Variants in CRYL1 observed in about 807,000 individuals in gnomAD.
The protein encoded by CRYL1 is crystallin lambda 1.
In CRYL1, 29 loss-of-function variants were observed where a neutral mutation model predicts 36.6. That is an observed-to-expected ratio of 0.79 (90% CI 0.59 to 1.08). CRYL1 has a LOEUF of 1.08. Among genes scored for constraint, CRYL1 ranks in the 50% least tolerant of loss-of-function variants. The pLI is 0.00. For synonymous variants in CRYL1, 152 were observed against 151.5 expected, an observed-to-expected ratio of 1.00 and a Z score of -0.02; for missense variants, 411 against 407.9, an observed-to-expected ratio of 1.01 and a Z score of -0.06.
intron 5 of CRYL1, among the ~76,000 whole-genome samples, chr13:20,417,011 C>T (rs747886643): frequency 5.3e-5 from 8 of 152,170 alleles, no homozygotes; most frequent in Admixed American, 2.0e-4. Flanking sequence ...CTTCTTTCTG[C>T]CCATTTGAAT....
chr13:20,497,017 C>T (rs1001741889), intron 2 of CRYL1, among the ~76,000 whole-genome samples: 2 of 151,938 alleles, frequency 1.3e-5, no homozygotes, highest in African/African-American at 2.4e-5. Context: ...AAAATGCCAA[C>T]GAAAAGCAAG....
intron 2 of CRYL1, among the ~76,000 whole-genome samples, chr13:20,495,164 G>A (rs1263049591): frequency 2.6e-5 from 4 of 152,150 alleles, no homozygotes; most frequent in Non-Finnish European, 4.4e-5. Context: ...AAGCTTTGTA[G>A]AAGACGTACA....
At position 20,426,597 on chromosome 13, in the gene CRYL1, CAT is replaced by C. The variant is rs1004887390; in HGVS notation, c.633+5503_633+5504del. The C allele has an allele frequency of 3.5e-5, 23 of 659,652 alleles. No homozygotes were observed. The Admixed American group carries it at 3.8e-4, about 11-fold the overall frequency. The allele number at this position is 659,652 out of a possible 1,614,324, so 40.9% of individuals were successfully genotyped here. A position where few individuals can be genotyped will look rare whatever the true frequency, so the allele number is the denominator to read the frequency against. On this transcript the variant is annotated intron_variant, in intron 5 of 7. Transcript: ENST00000298248. ...GAAGGAGTCAGAAACAAGAGACACA[CAT>C]AGAGACACACAGAGACACATACAGA...
chr13:20,404,862 C>G (rs1593422666), intron 6 of CRYL1, 121 bp from the exon 7 acceptor site: 2 of 706,824 alleles, frequency 2.8e-6, no homozygotes, highest in South Asian at 3.4e-5. Context: ...ACTCTTCCCT[C>G]CCTGTGAAGA....
chr13:20,524,566 G>A (rs560530320), intron 1 of CRYL1, among the ~76,000 whole-genome samples: 2 of 152,170 alleles, frequency 1.3e-5, no homozygotes, highest in South Asian at 4.2e-4. Context: ...TAGTAGAGAC[G>A]GAGTTTCTCC....
chr13:20,440,362 T>C (rs2032325822), intron 3 of CRYL1, among the ~76,000 whole-genome samples: 3 of 152,228 alleles, frequency 2.0e-5, no homozygotes, highest in Admixed American at 6.5e-5. Flanking sequence ...GAAAAGATTT[T>C]ACTTGTTCTC....
intron 5 of CRYL1, among the ~76,000 whole-genome samples, chr13:20,417,600 C>T (rs146573583): frequency 0.013 from 1,995 of 152,282 alleles, 41 homozygotes; most frequent in African/African-American, 0.045. Flanking sequence ...CATGGTTTCG[C>T]GTCCTGAAAA....
At position 20,484,662 on chromosome 13, in the gene CRYL1, G is replaced by A. The variant is rs899083135; in HGVS notation, c.276+4708C>T. Among the ~76,000 whole-genome samples the A allele has an allele frequency of 1.8e-4, 28 of 152,040 alleles. 1 individual carries two copies. The highest frequency in any genetic ancestry group is 8.8e-5 in the Non-Finnish European group (6 of 68,012). On this transcript the variant is annotated intron_variant, in intron 3 of 7. Transcript: ENST00000298248. The stretch of plus-strand genomic sequence containing the variant: ...TCTCTGATACAGCCCCGAGCACATC[G>A]TACAGCAGGAAATGTTCTAAGTTTT...
chr13:20,525,751 T>G lies in CRYL1; in HGVS notation c.41+3A>C. 1 of 1,333,754 alleles carries G rather than the reference T, an allele frequency of 7.5e-7. No individual in the cohort carries two copies. Among genetic ancestry groups the G allele is most frequent in the Non-Finnish European group, 9.6e-7 (1 of 1,039,252 alleles). The allele number at this position is 1,333,754 out of a possible 1,614,324, so 82.6% of individuals were successfully genotyped here. A position where few individuals can be genotyped will look rare whatever the true frequency, so the allele number is the denominator to read the frequency against. ...GGCAGCAGCGCGGCTCGGAGCCCTT[T>G]ACCTGCCAACGATCACCACGCAGCC... On this transcript the variant is annotated splice_donor_region_variant and intron_variant, in intron 1 of 7. Coordinates refer to ENST00000298248, the MANE Select transcript of CRYL1 (RefSeq NM_015974.3). The surrounding 1 kb of genome is among the most constrained non-coding windows in gnomAD (Gnocchi z 4.3).
intron 4 of CRYL1, 42 bp from the exon 5 acceptor site, chr13:20,432,338 C>A: frequency 1.3e-6 from 2 of 1,513,694 alleles, no homozygotes; most frequent in South Asian, 1.2e-5. Context: ...GGAGATGATC[C>A]TGGGTTTGGG....
At chr13:20,473,578 G>C (rs139808039) in intron 3 of CRYL1, among the ~76,000 whole-genome samples, 2 of 152,334 alleles carry the variant, frequency 1.3e-5, no homozygotes, top group African/African-American at 4.8e-5. Flanking sequence ...GGATGCCAAG[G>C]TGTCTGTCTG....
intron 3 of CRYL1, among the ~76,000 whole-genome samples, chr13:20,443,455 A>T (rs2137407636): frequency 6.6e-6 from 1 of 152,176 alleles, no homozygotes; most frequent in East Asian, 1.9e-4. Context: ...GTACAATGGC[A>T]TGATCTCAGC....
At chr13:20,405,940 G>A (rs1396203522) in intron 6 of CRYL1, 2 of 152,444 alleles carry the variant, frequency 1.3e-5, no homozygotes, top group Admixed American at 6.5e-5. Context: ...CTGCCGGGAG[G>A]CGAACGGGCT....
At chr13:20,462,274 G>C (rs1025538971) in intron 3 of CRYL1, among the ~76,000 whole-genome samples, 1 of 151,672 alleles carries the variant, frequency 6.6e-6, no homozygotes, top group Non-Finnish European at 1.5e-5. Flanking sequence ...CCCTGGGGGC[G>C]CCCAGGGGAT....
intron 5 of CRYL1, among the ~76,000 whole-genome samples, chr13:20,427,876 AG>A (rs1161081629): frequency 6.6e-6 from 1 of 152,158 alleles, no homozygotes; most frequent in Non-Finnish European, 1.5e-5. Context: ...AATAAAAAGG[AG>A]GACTACCGAG....
chr13:20,478,083 G>T (rs1468155402), intron 3 of CRYL1, among the ~76,000 whole-genome samples: 1 of 151,036 alleles, frequency 6.6e-6, no homozygotes, highest in African/African-American at 2.4e-5. Flanking sequence ...ATTGCTAACA[G>T]CAGAAAGTAA....
chr13:20,511,824 T>C (rs2033922311), intron 2 of CRYL1, among the ~76,000 whole-genome samples: 1 of 152,192 alleles, frequency 6.6e-6, no homozygotes, highest in African/African-American at 2.4e-5. Flanking sequence ...TCAGCCTTTC[T>C]TTGGTTCCCG....
intron 5 of CRYL1, among the ~76,000 whole-genome samples, chr13:20,420,933 T>C (rs543971470): frequency 1.8e-4 from 27 of 152,008 alleles, no homozygotes; most frequent in African/African-American, 5.3e-4. Context: ...CAGGATTTCA[T>C]TGTGTTAGCC....
chr13:20,427,739 C>CAA (rs10650553), intron 5 of CRYL1, among the ~76,000 whole-genome samples: 5,168 of 136,036 alleles, frequency 0.038, 120 homozygotes, highest in Non-Finnish European at 0.051. Context: ...AGTTGCTCCT[C>CAA]AAAAAAAAAA....
Sources: allele counts gnomAD v4.1 joint callset (sites outside exome capture counted in the v4.1 genomes callset), GRCh38; gene constraint gnomAD v4.1.1; non-coding constraint Gnocchi (gnomAD v3.1); transcripts MANE v1.5; gene names NCBI Gene and HGNC (gene_info 2026-07-23, HGNC 2026-07-21).